Variants in CIITA observed in about 807,000 individuals in gnomAD.
CIITA encodes the protein MHC class II transactivator.
CIITA carries 72 observed loss-of-function variants against 115.1 expected under a neutral mutation model. The observed-to-expected ratio is 0.63, with a 90% CI of 0.52 to 0.76. The LOEUF (loss-of-function observed/expected upper bound fraction) is 0.76, where lower values mean the gene tolerates loss of function less well. CIITA is among the 30% of genes least tolerant of loss of function. The pLI is 0.00. For synonymous variants in CIITA, 763 were observed against 635.6 expected (o/e 1.20, Z -3.02); for missense variants, 1,617 against 1,463.8 (o/e 1.10, Z -1.71).
chr16:10,895,360 C>T lies in CIITA; in HGVS notation c.131C>T (p.Pro44Leu). 2 of 1,614,132 alleles carry T rather than the reference C, an allele frequency of 1.2e-6. No homozygotes were observed. The highest frequency in any genetic ancestry group is 1.7e-6 in the Non-Finnish European group (2 of 1,180,026). ...GAGCTTCTTAACAGCGATGCTGACC[C>T]CCTGTGCCTCTACCACTTCTATGAC... ...YLELLNSDAD[P>L]LCLYHFYDQM... Residue 44 changes from proline (P) to leucine (L), a missense_variant, in exon 2 of 20, where the codon CCC becomes CTC. Transcript: ENST00000324288.
intron 1 of CIITA, 126 bp from the exon 2 acceptor site, chr16:10,895,156 C>A: frequency 9.2e-7 from 1 of 1,092,046 alleles, no homozygotes; most frequent in Non-Finnish European, 1.4e-6. Flanking sequence ...ATAAGAGGTG[C>A]TGAATGAGCG....
chr16:10,872,655 C>T (rs1289950483), upstream of CIITA, among the ~76,000 whole-genome samples: 2 of 152,256 alleles, frequency 1.3e-5, no homozygotes, highest in Admixed American at 1.3e-4. Flanking sequence ...CTCATACACC[C>T]TCCCATGTCC....
Position 10,895,424 on chromosome 16 carries a change from C to G in CIITA, c.195C>G (p.Tyr65Ter). Residue 65 changes from tyrosine to a stop codon, truncating the protein, a stop_gained, in exon 2 of 20, where the codon TAC (tyrosine) becomes TAG (stop). Transcript: ENST00000324288. LOFTEE classifies it high-confidence loss of function. ...CTGGAGAAGAAGAGATTGAGCTCTA[C>G]TCAGGTGGGCCCTCCTCCCTCTGGT... is the stretch of plus-strand genomic sequence containing the variant. Reference protein sequence around the residue: ...DLAGEEEIELYSEPDTDTINC... With the variant: ...DLAGEEEIEL 6.2e-7 allele frequency: 1 copy of G among 1,613,680 alleles called. No individual in the cohort carries two copies. Among genetic ancestry groups the G allele is most frequent in the South Asian group, 1.1e-5 (1 of 91,080 alleles).
At chr16:10,877,412 A>C (rs766730990) in intron 1 of CIITA, 30 bp downstream of exon 1, 1 of 1,604,752 alleles carries the variant, frequency 6.2e-7, no homozygotes, top group Admixed American at 1.7e-5. Context: ...ATCTTAATTT[A>C]GCGTGCAGTC....
At position 10,920,604 on chromosome 16, in the gene CIITA, A is replaced by C. The variant is rs888677859; in HGVS notation, c.3150-1563A>C. ...GGAATCTAAGATGCCATCCATTGTAAGACCCCAATATGAGGCCAAAATGCA... is the reference window on the plus strand; with the variant it reads ...GGAATCTAAGATGCCATCCATTGTACGACCCCAATATGAGGCCAAAATGCA... On this transcript the variant is annotated intron_variant, in intron 16 of 19. Coordinates refer to ENST00000324288, the MANE Select transcript of CIITA (RefSeq NM_000246.4). This position sits in a 1 kb window ranked among gnomAD's most constrained non-coding sequence, Gnocchi z 4.5. Among the ~76,000 whole-genome samples the C allele has an allele frequency of 4.6e-5, 7 of 152,208 alleles. No individual in the cohort carries two copies. The highest frequency in any genetic ancestry group is 1.0e-4 in the Non-Finnish European group (7 of 68,044).
In CIITA at chr16:10,935,244, A is replaced by G. The variant is rs1260465096; in HGVS notation, c.*11389A>G. 1 of 152,246 alleles carries G rather than the reference A, an allele frequency of 6.6e-6. No homozygotes were observed. Among genetic ancestry groups the G allele is most frequent in the Non-Finnish European group, 1.5e-5 (1 of 68,046 alleles). 9.4% of individuals were successfully genotyped at this position (152,246 alleles called of 1,614,324 possible). On this transcript the variant is annotated 3_prime_UTR_variant, in exon 20 of 20. Coordinates refer to ENST00000324288, the MANE Select transcript of CIITA (RefSeq NM_000246.4). ...GGGTATACGGAGGTGACCCTAAGTA[A>G]CAAGGAATCACATATAGTGAGCAAG...
At position 10,920,672 on chromosome 16, in the gene CIITA, A is replaced by G. The variant is rs1203047469; in HGVS notation, c.3150-1495A>G. Among the ~76,000 whole-genome samples the G allele has an allele frequency of 1.3e-5, 2 of 152,234 alleles. No individual in the cohort carries two copies. The highest frequency in any genetic ancestry group is 1.9e-4 in the East Asian group (1 of 5,200). On this transcript the variant is annotated intron_variant, in intron 16 of 19. Coordinates refer to ENST00000324288, the MANE Select transcript of CIITA (RefSeq NM_000246.4). The surrounding 1 kb of genome is among the most constrained non-coding windows in gnomAD (Gnocchi z 4.5). ...GGTTATAAGACACATCCTGATCTCAATGATATTCAAATGGTGACATATATG... is the reference window on the plus strand; with the variant it reads ...GGTTATAAGACACATCCTGATCTCAGTGATATTCAAATGGTGACATATATG...
chr16:10,898,982 G>A lies in CIITA; in HGVS notation c.416G>A (p.Gly139Glu). ...GESMEMPAEV[G>E]QKSQKRPFPE... is the part of the protein sequence containing the mutation. The stretch of plus-strand genomic sequence containing the variant: ...AGTATGGAGATGCCAGCAGAAGTTG[G>A]GCAGAAAAGTCAGAAAAGACGTGAG... Residue 139 changes from glycine to glutamate, a missense_variant, in exon 5 of 20, where the codon GGG becomes GAG. By Grantham distance (98) the Gly-to-Glu change is moderately conservative (BLOSUM62 -2). Coordinates refer to ENST00000324288, the MANE Select transcript of CIITA (RefSeq NM_000246.4). 6.2e-7 allele frequency: 1 copy of A among 1,614,026 alleles called. No homozygotes were observed.
intron 13 of CIITA, among the ~76,000 whole-genome samples, chr16:10,913,143 G>A (rs1006814226): frequency 5.9e-5 from 9 of 152,316 alleles, no homozygotes; most frequent in South Asian, 4.1e-4. Context: ...CCTTTGCACC[G>A]GCTGTGCCCT....
intron 2 of CIITA, 116 bp downstream of exon 2, chr16:10,895,544 C>A: frequency 6.4e-7 from 1 of 1,562,984 alleles, no homozygotes; most frequent in East Asian, 2.3e-5. Context: ...CGGACAGCTC[C>A]CACGTCTGTG....
downstream of CIITA, chr16:10,937,998 T>C (rs544196645): frequency 6.6e-6 from 1 of 152,354 alleles, no homozygotes; most frequent in East Asian, 1.9e-4. This position sits in a 1 kb window ranked among gnomAD's most constrained non-coding sequence, Gnocchi z 4.2. Flanking sequence ...GCTCACAGGA[T>C]ATAAATATTC....
chr16:10,877,584 G>C (rs965287772), intron 1 of CIITA, among the ~76,000 whole-genome samples: 1 of 152,190 alleles, frequency 6.6e-6, no homozygotes, highest in Non-Finnish European at 1.5e-5. Context: ...GGTCAGCCAG[G>C]TGTCTGGAGT....
At position 10,918,454 on chromosome 16, in the gene CIITA, A is replaced by C; in HGVS notation, c.3077A>C (p.Asn1026Thr). 6.2e-7 allele frequency: 1 copy of C among 1,614,148 alleles called. No homozygotes were observed. Among genetic ancestry groups the C allele is most frequent in the Non-Finnish European group, 8.5e-7 (1 of 1,180,008 alleles). The change falls in exon 16 of 20, where the codon AAC becomes ACC. Residue 1026 changes from asparagine to threonine, a missense_variant. Transcript: ENST00000324288. ...SLETLNLSQN[N>T]ITDLGAYKLA... ...TGTCCCCGCAGTCTGTCCCAGAACA[A>C]CATCACTGACCTGGGTGCCTACAAA...
At chr16:10,869,640 C>T (rs1004921018) in intron 1 of CIITA, among the ~76,000 whole-genome samples, 2 of 152,022 alleles carry the variant, frequency 1.3e-5, no homozygotes, top group Non-Finnish European at 2.9e-5. Context: ...GCCTCAGCCT[C>T]CCAAATAGCT....
At chr16:10,875,063 G>A (rs960350963), upstream of CIITA, among the ~76,000 whole-genome samples, 1 of 151,834 alleles carries the variant, frequency 6.6e-6, no homozygotes, top group Non-Finnish European at 1.5e-5. Context: ...CCACCTCCCG[G>A]GTTCATGTGA....
intron 1 of CIITA, among the ~76,000 whole-genome samples, chr16:10,884,426 C>A (rs1454677824): frequency 1.3e-5 from 2 of 152,126 alleles, no homozygotes; most frequent in Admixed American, 6.5e-5. Context: ...TTCATCCTTT[C>A]ATTTATGAGA....
At chr16:10,910,735 A>T (rs1015220692) in intron 13 of CIITA, among the ~76,000 whole-genome samples, 1 of 152,214 alleles carries the variant, frequency 6.6e-6, no homozygotes, top group African/African-American at 2.4e-5. Flanking sequence ...AACCTTCCAT[A>T]GGAGGATGCC....
At chr16:10,899,906 C>T (rs909804732) in intron 5 of CIITA, among the ~76,000 whole-genome samples, 4 of 152,048 alleles carry the variant, frequency 2.6e-5, no homozygotes, top group African/African-American at 4.8e-5. Flanking sequence ...ATGGTGAAAC[C>T]GCGTCTCTAC....
intron 3 of CIITA, among the ~76,000 whole-genome samples, chr16:10,897,995 C>A (rs1003543668): frequency 1.3e-5 from 2 of 152,160 alleles, no homozygotes; most frequent in Non-Finnish European, 2.9e-5. Flanking sequence ...CCTCACTCTG[C>A]CACTGTGACC....
Sources: gnomAD v4.1 joint callset for allele counts (sites outside exome capture counted in the v4.1 genomes callset) on GRCh38, gnomAD v4.1.1 for gene constraint, Gnocchi (gnomAD v3.1) non-coding constraint, MANE v1.5 for transcripts, NCBI Gene and HGNC (gene_info 2026-07-23, HGNC 2026-07-21) for gene names.